The following RERE variants were observed in gnomAD, a reference collection of about 807,000 sequenced individuals.
RERE encodes the protein arginine-glutamic acid dipeptide repeats protein.
A neutral mutation model predicts 146.1 loss-of-function variants in RERE; 40 were observed. That is an observed-to-expected ratio of 0.27 (90% CI 0.21 to 0.36). RERE has a LOEUF of 0.36. Among genes scored for constraint, RERE ranks in the 10% least tolerant of loss-of-function variants. The probability of loss-of-function intolerance (pLI) is 1.00; values close to 1 mark genes in which losing one functional copy is unlikely to be tolerated. For missense variants in RERE, 1,933 were observed against 2,138.7 expected (o/e 0.90, Z 1.90); for synonymous variants, 1,003 against 866.0 (o/e 1.16, Z -2.78).
intron 1 of RERE, among the ~76,000 whole-genome samples, chr1:8,736,188 AGTTTGTTTGTTT>A (rs141597255): frequency 5.8e-5 from 8 of 138,246 alleles, no homozygotes; most frequent in Non-Finnish European, 7.9e-5. Context: ...TTAAACCATC[AGTTTGTTTGTTT>A]GTTTGTTTGT....
At chr1:8,448,618 A>G (rs1322114487) in intron 11 of RERE, among the ~76,000 whole-genome samples, 1 of 152,116 alleles carries the variant, frequency 6.6e-6, no homozygotes, top group African/African-American at 2.4e-5. Context: ...TTAGCTGGGC[A>G]TGGTGGCTAA....
At chr1:8,646,556 C>CAAAAAAAAAAA in intron 2 of RERE, among the ~76,000 whole-genome samples, 1 of 144,220 alleles carries the variant, frequency 6.9e-6, no homozygotes, top group African/African-American at 2.6e-5. Context: ...AACAAACAAA[C>CAAAAAAAAAAA]AAAAAAAAAA....
At chr1:8,562,769 T>C (rs1646094380) in intron 4 of RERE, among the ~76,000 whole-genome samples, 1 of 152,120 alleles carries the variant, frequency 6.6e-6, no homozygotes, top group African/African-American at 2.4e-5. Context: ...GGGGGAGTTG[T>C]TTCTGGGCTA....
At chr1:8,368,601 C>T (rs954698768) in intron 12 of RERE, among the ~76,000 whole-genome samples, 3 of 152,040 alleles carry the variant, frequency 2.0e-5, no homozygotes, top group Non-Finnish European at 4.4e-5. Flanking sequence ...CTCTGCCATG[C>T]CTTCAAGTCT....
intron 12 of RERE, among the ~76,000 whole-genome samples, chr1:8,395,518 T>C (rs974222130): frequency 4.0e-5 from 6 of 151,056 alleles, no homozygotes; most frequent in African/African-American, 1.5e-4. Context: ...TTTGGTCTTG[T>C]CTGCATAAAA....
intron 11 of RERE, among the ~76,000 whole-genome samples, chr1:8,440,662 C>T (rs1348595125): frequency 1.4e-5 from 2 of 147,426 alleles, no homozygotes; most frequent in Admixed American, 6.8e-5. Flanking sequence ...CCGAGGCTGG[C>T]GGATCACCTA....
chr1:8,529,443 C>T (rs1342269569), intron 7 of RERE, among the ~76,000 whole-genome samples: 9 of 144,974 alleles, frequency 6.2e-5, no homozygotes, highest in Admixed American at 5.7e-4. Context: ...GTGCCCGCCA[C>T]TACACCCAAC....
chr1:8,380,039 C>T (rs900166633), intron 12 of RERE, among the ~76,000 whole-genome samples: 11 of 152,244 alleles, frequency 7.2e-5, no homozygotes, highest in African/African-American at 1.7e-4. Context: ...CCCACTCCAA[C>T]GCCCACCTCA....
chr1:8,361,770 T>C lies in RERE; in HGVS notation c.2009A>G (p.Lys670Arg). ...EADRTSSKKT[K>R]TQEISRPNSP... ...CTCAGCAGCAAACCTCACCTGCGTT[T>C]TTGTCTTCTTGGAGCTGGTCCTGTC... Residue 670 changes from lysine (K) to arginine (R), a missense_variant, in exon 17 of 23, where the codon AAA (lysine) becomes AGA (arginine). By Grantham distance (26) the Lys-to-Arg change is conservative. Coordinates refer to ENST00000400908, the MANE Select transcript of RERE (RefSeq NM_001042681.2). 1.2e-6 allele frequency: 2 copies of C among 1,612,898 alleles called. No homozygotes were observed. The highest frequency in any genetic ancestry group is 1.7e-6 in the Non-Finnish European group (2 of 1,178,944).
At chr1:8,384,129 C>T (rs914093957) in intron 12 of RERE, among the ~76,000 whole-genome samples, 1 of 152,132 alleles carries the variant, frequency 6.6e-6, no homozygotes, top group African/African-American at 2.4e-5. Flanking sequence ...CCGCCTCACC[C>T]CAAAGCCTCC....
intron 1 of RERE, among the ~76,000 whole-genome samples, chr1:8,737,915 A>G (rs1640232829): frequency 6.6e-6 from 1 of 152,246 alleles, no homozygotes; most frequent in Non-Finnish European, 1.5e-5. Context: ...GTTAACTAGC[A>G]AATGTCCTGC....
intron 1 of RERE, among the ~76,000 whole-genome samples, chr1:8,676,024 G>A (rs1015478924): frequency 3.9e-5 from 6 of 151,962 alleles, no homozygotes; most frequent in Non-Finnish European, 7.4e-5. Context: ...GGACTCTTAA[G>A]GTTTACACTA....
chr1:8,634,642 T>G (rs1647073988), intron 2 of RERE, among the ~76,000 whole-genome samples: 1 of 152,224 alleles, frequency 6.6e-6, no homozygotes, highest in Non-Finnish European at 1.5e-5. Flanking sequence ...ACTCCTTCTC[T>G]CCCTTAAATC....
At chr1:8,658,996 C>T (rs1234672357) in intron 1 of RERE, among the ~76,000 whole-genome samples, 2 of 152,282 alleles carry the variant, frequency 1.3e-5, no homozygotes, top group Admixed American at 1.3e-4. Flanking sequence ...GAAGAAGGAA[C>T]GCATGTAGCA....
intron 12 of RERE, among the ~76,000 whole-genome samples, chr1:8,391,793 T>C (rs1331426503): frequency 6.6e-6 from 1 of 152,180 alleles, no homozygotes; most frequent in Non-Finnish European, 1.5e-5. Context: ...TCCAGCACTT[T>C]GGAAGGCCGA....
At chr1:8,428,978 G>C (rs1644055986) in intron 11 of RERE, among the ~76,000 whole-genome samples, 1 of 152,086 alleles carries the variant, frequency 6.6e-6, no homozygotes, top group South Asian at 2.1e-4. Flanking sequence ...ACGTGGACCT[G>C]GTGCAAGTAG....
chr1:8,705,289 G>T (rs1272578847), intron 1 of RERE, among the ~76,000 whole-genome samples: 1 of 152,126 alleles, frequency 6.6e-6, no homozygotes, highest in Non-Finnish European at 1.5e-5. Flanking sequence ...TCTTGCACCT[G>T]CTGCTAATCC....
intron 12 of RERE, among the ~76,000 whole-genome samples, chr1:8,392,604 T>C (rs974984989): frequency 1.3e-5 from 2 of 152,110 alleles, no homozygotes; most frequent in Non-Finnish European, 2.9e-5. Context: ...CCCCTCCATC[T>C]AGGAGCTTTA....
intron 4 of RERE, among the ~76,000 whole-genome samples, chr1:8,574,210 T>C (rs1305098849): frequency 1.3e-5 from 2 of 152,198 alleles, no homozygotes; most frequent in Admixed American, 1.3e-4. Context: ...GGGTTCCTTC[T>C]ACACATCTGT....
Sources: allele counts gnomAD v4.1 joint callset (sites outside exome capture counted in the v4.1 genomes callset), GRCh38; gene constraint gnomAD v4.1.1; transcripts MANE v1.5; gene names NCBI Gene and HGNC (gene_info 2026-07-23, HGNC 2026-07-21).